GASK1A: variants seen among roughly 807,000 people sequenced by gnomAD.
GASK1A encodes the protein golgi associated kinase 1A.
A neutral mutation model predicts 41.2 loss-of-function variants in GASK1A; 40 were observed. The ratio of observed to expected loss-of-function variants is 0.97; its 90% CI spans 0.75 to 1.27. The LOEUF is 1.27. Among genes scored for constraint, GASK1A ranks in the 50% most tolerant of loss-of-function variants. GASK1A has a pLI of 0.00. For missense variants in GASK1A, 678 were observed against 745.1 expected, an observed-to-expected ratio of 0.91 and a Z score of 1.05; for synonymous variants, 316 against 307.1, an observed-to-expected ratio of 1.03 and a Z score of -0.30.
chr3:43,010,533 C>T (rs570617541), intron 1 of GASK1A, among the ~76,000 whole-genome samples: 12 of 152,324 alleles, frequency 7.9e-5, no homozygotes, highest in South Asian at 2.1e-4. Flanking sequence ...TTTGCTGAAA[C>T]GATTTTTTGA....
At chr3:43,048,900 C>T (rs371751213) in intron 2 of GASK1A, among the ~76,000 whole-genome samples, 9 of 152,138 alleles carry the variant, frequency 5.9e-5, no homozygotes, top group African/African-American at 9.6e-5. Flanking sequence ...ATTCAGGGGG[C>T]GCATCACTTG....
intron 1 of GASK1A, among the ~76,000 whole-genome samples, chr3:43,028,387 A>C (rs928991437): frequency 2.0e-5 from 3 of 152,232 alleles, no homozygotes; most frequent in African/African-American, 7.2e-5. Flanking sequence ...GGAGGGGTCC[A>C]TTCAGATGGT....
chr3:43,038,794 T>C (rs2089619277), intron 2 of GASK1A, among the ~76,000 whole-genome samples: 1 of 152,160 alleles, frequency 6.6e-6, no homozygotes, highest in African/African-American at 2.4e-5. Flanking sequence ...TTCATCACAT[T>C]AGTGATCAGA....
chr3:43,030,181 A>G (rs1316203938), intron 1 of GASK1A, among the ~76,000 whole-genome samples: 1 of 152,108 alleles, frequency 6.6e-6, no homozygotes, highest in African/African-American at 2.4e-5. Flanking sequence ...ACTTTTTTGT[A>G]TTTTTAGTAG....
chr3:43,019,757 A>AACACACACAC (rs148054172), intron 1 of GASK1A, among the ~76,000 whole-genome samples: 126 of 146,608 alleles, frequency 8.6e-4, no homozygotes, highest in African/African-American at 2.0e-3. Flanking sequence ...TTCCGTTTTT[A>AACACACACAC]ACACACACAC....
intron 2 of GASK1A, 75 bp from the exon 3 acceptor site, chr3:43,053,446 C>A: frequency 6.9e-7 from 1 of 1,455,006 alleles, no homozygotes; most frequent in South Asian, 1.4e-5. Flanking sequence ...AACAGCAGGT[C>A]AGGTGGCCTC....
At chr3:43,018,300 T>C (rs1478757751) in intron 1 of GASK1A, among the ~76,000 whole-genome samples, 2 of 152,210 alleles carry the variant, frequency 1.3e-5, no homozygotes, top group Non-Finnish European at 2.9e-5. Context: ...TTAGCACATA[T>C]GTTGTAGGAT....
At chr3:42,999,649 A>G (rs557061695) in intron 1 of GASK1A, among the ~76,000 whole-genome samples, 1 of 152,228 alleles carries the variant, frequency 6.6e-6, no homozygotes. Context: ...CAGCCAGTAT[A>G]GGGGTTGTGT....
chr3:43,022,689 A>G (rs2089528183), intron 1 of GASK1A, among the ~76,000 whole-genome samples: 1 of 152,182 alleles, frequency 6.6e-6, no homozygotes, highest in South Asian at 2.1e-4. Flanking sequence ...GGAGATAGTA[A>G]CTTATATATG....
chr3:42,985,073 G>A (rs564967653), intron 1 of GASK1A, among the ~76,000 whole-genome samples: 6 of 152,204 alleles, frequency 3.9e-5, no homozygotes, highest in Non-Finnish European at 8.8e-5. Flanking sequence ...GGGAGTGTTT[G>A]GTGAAGGGAA....
chr3:43,007,385 C>T (rs1471916996), intron 1 of GASK1A, among the ~76,000 whole-genome samples: 1 of 152,206 alleles, frequency 6.6e-6, no homozygotes, highest in Non-Finnish European at 1.5e-5. Context: ...CTTTCTCTCT[C>T]CATAGAACAA....
intron 1 of GASK1A, among the ~76,000 whole-genome samples, chr3:43,002,294 G>C (rs534862684): frequency 4.1e-4 from 62 of 152,300 alleles, no homozygotes; most frequent in Non-Finnish European, 7.4e-4. Context: ...AAAACTGATG[G>C]CATATCAATT....
intron 1 of GASK1A, among the ~76,000 whole-genome samples, chr3:43,030,296 C>G (rs1185001222): frequency 6.6e-6 from 1 of 152,216 alleles, no homozygotes; most frequent in African/African-American, 2.4e-5. Flanking sequence ...CATGAGCGAC[C>G]GCGCCCAGCC....
At chr3:43,037,355 G>C in intron 2 of GASK1A, 1 of 922,360 alleles carries the variant, frequency 1.1e-6, no homozygotes, top group Non-Finnish European at 1.8e-6. Context: ...ACTCTAAAAT[G>C]TGCAATACAA....
chr3:42,990,522 T>C (rs1447026172), intron 1 of GASK1A, among the ~76,000 whole-genome samples: 1 of 152,148 alleles, frequency 6.6e-6, no homozygotes, highest in African/African-American at 2.4e-5. Context: ...CAGAGAGGCA[T>C]CTGCCTGCCA....
intron 1 of GASK1A, among the ~76,000 whole-genome samples, chr3:43,013,008 G>C (rs1282039776): frequency 6.6e-6 from 1 of 151,344 alleles, no homozygotes; most frequent in Non-Finnish European, 1.5e-5. Flanking sequence ...GCTTTGTGAA[G>C]CCACAGGAAG....
intron 1 of GASK1A, among the ~76,000 whole-genome samples, chr3:43,007,626 C>T (rs1390445753): frequency 6.6e-6 from 1 of 152,236 alleles, no homozygotes; most frequent in Non-Finnish European, 1.5e-5. Context: ...GCCATTGCTA[C>T]TCATTCACCT....
intron 1 of GASK1A, among the ~76,000 whole-genome samples, chr3:42,997,437 A>T (rs201019068): frequency 7.4e-5 from 8 of 108,694 alleles, no homozygotes; most frequent in East Asian, 8.7e-4. Context: ...AGACAGAGAG[A>T]GGGGGGGGGG....
intron 2 of GASK1A, among the ~76,000 whole-genome samples, chr3:43,041,049 T>C (rs1456172817): frequency 2.1e-3 from 323 of 150,638 alleles, no homozygotes; most frequent in Middle Eastern, 0.01. Flanking sequence ...ACAAAGGACA[T>C]GAACTCATCA....
Sources: gnomAD v4.1 joint callset for allele counts (sites outside exome capture counted in the v4.1 genomes callset) on GRCh38, gnomAD v4.1.1 for gene constraint, MANE v1.5 for transcripts, NCBI Gene and HGNC (gene_info 2026-07-23, HGNC 2026-07-21) for gene names.